The following FER1L6 variants were observed in gnomAD, a reference collection of about 807,000 sequenced individuals.
The protein encoded by FER1L6 is fer-1 like family member 6.
Under a neutral mutation model 219.2 loss-of-function variants are expected in FER1L6, and 177 were observed. The ratio of observed to expected loss-of-function variants is 0.81; its 90% confidence interval spans 0.71 to 0.91. The LOEUF is 0.91. FER1L6 is among the 40% of genes least tolerant of loss of function. FER1L6 has a pLI of 0.00. For synonymous variants in FER1L6, 768 were observed against 824.3 expected (o/e 0.93, Z 1.17); for missense variants, 2,153 against 2,259.9 (o/e 0.95, Z 0.96).
At chr8:123,983,128 G>A (rs1323525323) in intron 11 of FER1L6, among the ~76,000 whole-genome samples, 1 of 152,160 alleles carries the variant, frequency 6.6e-6, no homozygotes, top group Non-Finnish European at 1.5e-5. Flanking sequence ...CCTCACACCT[G>A]AACAGCTCAT....
At chr8:123,924,002 C>T (rs543637990) in intron 1 of FER1L6, among the ~76,000 whole-genome samples, 3 of 150,932 alleles carry the variant, frequency 2.0e-5, no homozygotes, top group South Asian at 2.1e-4. Context: ...AGCTTGTAAT[C>T]CCAGCACTTT....
At chr8:123,993,303 G>A (rs943254565) in intron 12 of FER1L6, among the ~76,000 whole-genome samples, 3 of 151,008 alleles carry the variant, frequency 2.0e-5, no homozygotes, top group East Asian at 1.9e-4. Flanking sequence ...TTAGCCGGGC[G>A]TAGTGGCGGG....
chr8:124,038,387 T>TA (rs749366082), intron 19 of FER1L6, among the ~76,000 whole-genome samples: 3 of 152,344 alleles, frequency 2.0e-5, no homozygotes, highest in Non-Finnish European at 4.4e-5. Flanking sequence ...ACTAAGCACT[T>TA]AGATTCTTGA....
intron 5 of FER1L6, among the ~76,000 whole-genome samples, chr8:123,969,460 T>C (rs903708770): frequency 6.6e-6 from 1 of 152,168 alleles, no homozygotes; most frequent in African/African-American, 2.4e-5. Context: ...CGAGGGTTGA[T>C]AAGATTATAG....
At chr8:124,023,703 A>G (rs1186675430) in intron 18 of FER1L6, 107 bp downstream of exon 18, 2 of 1,217,686 alleles carry the variant, frequency 1.6e-6, no homozygotes, top group African/African-American at 3.0e-5. Flanking sequence ...CAGTGCTTTC[A>G]AAGGTAGGAG....
chr8:123,873,388 T>C (rs888058963), intron 1 of FER1L6, among the ~76,000 whole-genome samples: 1 of 152,208 alleles, frequency 6.6e-6, no homozygotes, highest in African/African-American at 2.4e-5. Context: ...ATGTGGCCTT[T>C]CCCTCCTTGC....
intron 1 of FER1L6, chr8:123,925,713 G>C (rs530457350): frequency 1.3e-5 from 2 of 152,346 alleles, no homozygotes; most frequent in South Asian, 4.1e-4. Context: ...ACCCCAGAGT[G>C]TGCCTACCCT....
At chr8:123,952,528 T>A (rs998394057) in intron 1 of FER1L6, among the ~76,000 whole-genome samples, 3 of 152,176 alleles carry the variant, frequency 2.0e-5, no homozygotes, top group African/African-American at 7.2e-5. Flanking sequence ...CCTGGGAGGA[T>A]ATTATGATCC....
intron 1 of FER1L6, among the ~76,000 whole-genome samples, chr8:123,927,441 C>T (rs1010410852): frequency 2.6e-5 from 4 of 152,078 alleles, no homozygotes; most frequent in East Asian, 1.9e-4. Flanking sequence ...TTGGGAAAAC[C>T]GTGGGACATT....
At chr8:123,880,669 C>T (rs1387785165) in intron 1 of FER1L6, among the ~76,000 whole-genome samples, 1 of 152,162 alleles carries the variant, frequency 6.6e-6, no homozygotes, top group Non-Finnish European at 1.5e-5. Flanking sequence ...TACAAAGGCC[C>T]AACTCAACCA....
At chr8:124,103,402 C>A in intron 39 of FER1L6, 93 bp downstream of exon 39, 2 of 1,265,506 alleles carry the variant, frequency 1.6e-6, no homozygotes, top group Non-Finnish European at 2.2e-6. Flanking sequence ...AAGTAAAATG[C>A]CTTGAAATGA....
chr8:123,951,923 T>C (rs561601238), intron 1 of FER1L6, among the ~76,000 whole-genome samples: 1 of 152,256 alleles, frequency 6.6e-6, no homozygotes, highest in South Asian at 2.1e-4. Flanking sequence ...ACTTAGTGTT[T>C]GGCCATTTGG....
intron 12 of FER1L6, among the ~76,000 whole-genome samples, chr8:123,999,033 AC>A (rs972441304): frequency 3.6e-4 from 55 of 152,342 alleles, no homozygotes; most frequent in African/African-American, 1.2e-3. Context: ...GGCCCTGAGA[AC>A]CTGCCTGGTG....
chr8:124,091,308 C>T (rs1822017640), intron 33 of FER1L6, 115 bp from the exon 34 acceptor site: 2 of 747,142 alleles, frequency 2.7e-6, no homozygotes, highest in Admixed American at 2.9e-5. Context: ...AGAAAACAAA[C>T]CCCCTAACCC....
chr8:124,091,582 T>C lies in FER1L6; in HGVS notation c.4551T>C (p.Thr1517=), dbSNP rs770834448. 2 of 1,612,280 alleles carry C rather than the reference T, an allele frequency of 1.2e-6. No homozygotes were observed. Among genetic ancestry groups the C allele is most frequent in the African/African-American group, 1.3e-5 (1 of 74,972 alleles). The part of the protein sequence containing the change: ...SGKTIFTEED[T]DETVESYEHL... ...AAACTATCTTCACTGAAGAGGACAC[T>C]GGTAACTCCCTGCAAAATATCCTGC... Residue 1517 remains threonine (T), a splice_region_variant and synonymous_variant, in exon 34 of 41, where the codon ACT becomes ACC. Transcript: ENST00000522917.
intron 1 of FER1L6, among the ~76,000 whole-genome samples, chr8:123,935,324 T>A (rs1289052416): frequency 6.6e-6 from 1 of 152,206 alleles, no homozygotes; most frequent in Non-Finnish European, 1.5e-5. Context: ...TTTGGCTATG[T>A]TCTTTTGACA....
chr8:123,929,145 G>A (rs1196691216), intron 1 of FER1L6, among the ~76,000 whole-genome samples: 1 of 152,112 alleles, frequency 6.6e-6, no homozygotes, highest in Non-Finnish European at 1.5e-5. Context: ...GGGATGGTTG[G>A]AACAAAGAAT....
At chr8:123,984,819 A>G (rs1421010761) in intron 11 of FER1L6, 2 of 152,156 alleles carry the variant, frequency 1.3e-5, no homozygotes, top group Non-Finnish European at 2.9e-5. Flanking sequence ...AGGACTCTCA[A>G]CTCAATGGAG....
chr8:124,032,419 T>C (rs975474383), intron 18 of FER1L6, among the ~76,000 whole-genome samples: 1 of 151,240 alleles, frequency 6.6e-6, no homozygotes, highest in Non-Finnish European at 1.5e-5. Context: ...AGCAAGACTG[T>C]CTCAAAAAAA....
Sources: gnomAD v4.1 joint callset for allele counts (sites outside exome capture counted in the v4.1 genomes callset) on GRCh38, gnomAD v4.1.1 for gene constraint, MANE v1.5 for transcripts, NCBI Gene and HGNC (gene_info 2026-07-23, HGNC 2026-07-21) for gene names.